ADCY9: variants seen among roughly 807,000 people sequenced by gnomAD.
ADCY9 encodes adenylate cyclase 9.
In ADCY9, 50 loss-of-function variants were observed where a neutral mutation model predicts 101.5. The ratio of observed to expected loss-of-function variants is 0.49; its 90% CI spans 0.39 to 0.62. ADCY9 has a LOEUF of 0.62. ADCY9 is among the 20% of genes least tolerant of loss of function. The probability of loss-of-function intolerance (pLI) is 0.00; values close to 1 mark genes in which losing one functional copy is unlikely to be tolerated. For synonymous variants in ADCY9, 905 were observed against 769.3 expected, an observed-to-expected ratio of 1.18 and a Z score of -2.92; for missense variants, 1,662 against 1,800.4, an observed-to-expected ratio of 0.92 and a Z score of 1.39.
rs1178383715 is a variant in ADCY9 at position 4,115,254 on chromosome 16, G to A, written c.189C>T (p.Val63=). The change falls in exon 2 of 11, where the codon GTC becomes GTT. Residue 63 remains valine (V), a synonymous_variant. Coordinates refer to ENST00000294016, the MANE Select transcript of ADCY9 (RefSeq NM_001116.4). This position sits in a 1 kb window ranked among gnomAD's most constrained non-coding sequence, Gnocchi z 6.2. ...SCSSSGDSGG[V]PRRVGGGGRL... is the part of the protein sequence containing the mutation. ...GGCCTCCGCCGCCCACTCGCCGGGG[G>A]ACGCCCCCGGAGTCCCCAGAGCTGC... 6.2e-7 allele frequency: 1 copy of A among 1,613,418 alleles called. No homozygotes were observed. Among genetic ancestry groups the A allele is most frequent in the East Asian group, 2.2e-5 (1 of 44,848 alleles).
intron 2 of ADCY9, among the ~76,000 whole-genome samples, chr16:4,012,235 G>C (rs2056409028): frequency 2.0e-5 from 3 of 152,162 alleles, no homozygotes; most frequent in African/African-American, 7.2e-5. Context: ...AATATGGAAA[G>C]CTAAATTTAA....
intron 2 of ADCY9, among the ~76,000 whole-genome samples, chr16:4,087,925 C>T (rs749589930): frequency 1.1e-4 from 17 of 149,002 alleles, no homozygotes; most frequent in Admixed American, 2.7e-4. Flanking sequence ...TTTCTTTCTT[C>T]CTTTCTTCTT....
rs562018704 is a variant in ADCY9, at chr16:4,030,179, T to C, written c.1694-22621A>G. On this transcript the variant is annotated intron_variant, in intron 2 of 10. Coordinates refer to ENST00000294016, the MANE Select transcript of ADCY9 (RefSeq NM_001116.4). Reference sequence around the variant, plus strand: ...TAGACATTGATTTCGGCCAAAGAAATGCATGCAAGTGTGCACCAGGATACA... The same window carrying C: ...TAGACATTGATTTCGGCCAAAGAAACGCATGCAAGTGTGCACCAGGATACA... Among the ~76,000 whole-genome samples the C allele has an allele frequency of 1.7e-3, 253 of 152,210 alleles. 2 individuals carry two copies. The Middle Eastern group carries it at 0.017, about 10-fold the overall frequency.
At chr16:4,068,940 A>C (rs2056816859) in intron 2 of ADCY9, among the ~76,000 whole-genome samples, 1 of 152,158 alleles carries the variant, frequency 6.6e-6, no homozygotes. Context: ...TCCACCTAAT[A>C]GATGTTCAAG....
chr16:4,001,188 G>A (rs2531972), intron 3 of ADCY9, among the ~76,000 whole-genome samples: 1 of 152,000 alleles, frequency 6.6e-6, no homozygotes, highest in African/African-American at 2.4e-5. Flanking sequence ...CCCAGTTTCC[G>A]CACCGTCCCT....
rs757255747 is a variant in ADCY9 at position 3,966,873 on chromosome 16, G to T, written c.2964C>A (p.Leu988=). ...TCAGGAACCAGACCAACAAGAGCAG[G>T]AGAAAGAAGACGAGAACCACCTCCT... ...IGQEVVLVFF[L]LLLLVWFLNR... The change falls in exon 11 of 11, where the codon CTC becomes CTA. Residue 988 remains leucine, a synonymous_variant. Transcript: ENST00000294016. 5.6e-6 allele frequency: 9 copies of T among 1,614,090 alleles called. No individual in the cohort carries two copies. The highest frequency in any genetic ancestry group is 1.1e-5 in the South Asian group (1 of 91,090).
intron 2 of ADCY9, among the ~76,000 whole-genome samples, chr16:4,071,236 G>A (rs1010957681): frequency 5.4e-5 from 8 of 149,112 alleles, no homozygotes; most frequent in Admixed American, 3.4e-4. Context: ...AGGCTGAGGC[G>A]GGAGAATCAA....
intron 2 of ADCY9, among the ~76,000 whole-genome samples, chr16:4,055,116 G>A (rs1182841103): frequency 1.3e-5 from 2 of 152,182 alleles, no homozygotes; most frequent in East Asian, 3.8e-4. Flanking sequence ...AGAGGAGGTG[G>A]GAGTACAGGC....
At chr16:4,037,210 C>T (rs116176052) in intron 2 of ADCY9, among the ~76,000 whole-genome samples, 3,068 of 152,152 alleles carry the variant, frequency 0.02, 119 homozygotes, top group African/African-American at 0.069. Flanking sequence ...CCCAACTACT[C>T]GTGTGGCTGA....
At chr16:4,105,318 C>G (rs771768989) in intron 2 of ADCY9, among the ~76,000 whole-genome samples, 5 of 151,980 alleles carry the variant, frequency 3.3e-5, no homozygotes, top group Non-Finnish European at 7.4e-5. Flanking sequence ...CAATAGACAA[C>G]CTATATAAAT....
Position 4,052,073 on chromosome 16 carries a change from C to G in ADCY9, c.1694-44515G>C, listed in dbSNP as rs372764673. ...AGACCTGTGTGCGTTCCTGTCGTGA[C>G]AACCCTGCAGGGACTCTCCTGCCAG... is the stretch of plus-strand genomic sequence containing the variant. On this transcript the variant is annotated intron_variant, in intron 2 of 10. Transcript: ENST00000294016. 2.0e-5 allele frequency among the ~76,000 whole-genome samples: 3 copies of G among 152,316 alleles called. 1 individual carries two copies. Among genetic ancestry groups the G allele is most frequent in the Admixed American group, 6.5e-5 (1 of 15,294 alleles).
intron 2 of ADCY9, among the ~76,000 whole-genome samples, chr16:4,042,206 A>G (rs2056632402): frequency 6.6e-6 from 1 of 152,078 alleles, no homozygotes; most frequent in South Asian, 2.1e-4. Context: ...TACAAGCGTG[A>G]GCCACGGCGC....
rs1188364617 is a variant in ADCY9, at chr16:3,992,400, G to T, written c.1990-37C>A. 1.3e-6 allele frequency: 2 copies of T among 1,593,420 alleles called. No homozygotes were observed. Among genetic ancestry groups the T allele is most frequent in the Non-Finnish European group, 1.7e-6 (2 of 1,164,392 alleles). On this transcript the variant is annotated intron_variant, in intron 4 of 10. Transcript: ENST00000294016. The surrounding 1 kb of genome is among the most constrained non-coding windows in gnomAD (Gnocchi z 4.2). ...CAAAGAGGACGCAGACACGGGAAGT[G>T]AAGTGGCACCGGGCACTGGGCACAC...
Position 3,966,687 on chromosome 16 carries a change from G to A in ADCY9, c.3150C>T (p.Tyr1050=). ...CCCCTCCGCTGTCATGGTTCTTGGA[G>A]TAGGTCTGGGACACCTTCAGCTGCT... is the stretch of plus-strand genomic sequence containing the variant. The part of the protein sequence containing the change: ...VAEQLKVSQT[Y]SKNHDSGGVI... Residue 1050 remains tyrosine (Y), a synonymous_variant, in exon 11 of 11, where the codon TAC becomes TAT. Coordinates refer to ENST00000294016, the MANE Select transcript of ADCY9 (RefSeq NM_001116.4). 6.2e-7 allele frequency: 1 copy of A among 1,614,150 alleles called. No homozygotes were observed.
At chr16:4,008,037 G>A (rs898443563) in intron 2 of ADCY9, among the ~76,000 whole-genome samples, 2 of 151,840 alleles carry the variant, frequency 1.3e-5, no homozygotes, top group African/African-American at 2.4e-5. Flanking sequence ...AAACTACCCC[G>A]AAAAACAAGA....
At chr16:3,987,816 G>C (rs1002700752) in intron 6 of ADCY9, among the ~76,000 whole-genome samples, 8 of 152,300 alleles carry the variant, frequency 5.3e-5, no homozygotes, top group African/African-American at 1.2e-4. Flanking sequence ...TTCCGGGTGG[G>C]GAGGGCATCC....
At chr16:3,995,420 C>A (rs1283342256) in intron 3 of ADCY9, among the ~76,000 whole-genome samples, 2 of 151,920 alleles carry the variant, frequency 1.3e-5, no homozygotes, top group Non-Finnish European at 2.9e-5. Context: ...AAGAGAAAGA[C>A]CCTGTCTTAA....
At chr16:3,983,474 G>A (rs1390621637) in intron 6 of ADCY9, 34 bp from the exon 7 acceptor site, 3 of 1,560,076 alleles carry the variant, frequency 1.9e-6, no homozygotes, top group East Asian at 2.3e-5. Flanking sequence ...GAATGACTGG[G>A]AGGCCATGGG....
chr16:3,966,862 A>G lies in ADCY9; in HGVS notation c.2975T>C (p.Leu992Ser). 1 of 1,614,224 alleles carries G rather than the reference A, an allele frequency of 6.2e-7. No individual in the cohort carries two copies. The highest frequency in any genetic ancestry group is 8.5e-7 in the Non-Finnish European group (1 of 1,180,046). Residue 992 changes from leucine (L) to serine (S), a missense_variant, in exon 11 of 11, where the codon TTG becomes TCG. Physicochemically the swap from Leu to Ser is moderately radical, Grantham distance 145. Coordinates refer to ENST00000294016, the MANE Select transcript of ADCY9 (RefSeq NM_001116.4). ...AAATTCGCGATTCAGGAACCAGACC[A>G]ACAAGAGCAGGAGAAAGAAGACGAG... ...VVLVFFLLLL[L>S]VWFLNREFEV...
Sources: allele counts gnomAD v4.1 joint callset (sites outside exome capture counted in the v4.1 genomes callset), GRCh38; gene constraint gnomAD v4.1.1; non-coding constraint Gnocchi (gnomAD v3.1); transcripts MANE v1.5; gene names NCBI Gene and HGNC (gene_info 2026-07-23, HGNC 2026-07-21).